The following ABCC11 variants were observed in gnomAD, a reference collection of about 807,000 sequenced individuals.
ABCC11 encodes ATP binding cassette subfamily C member 11.
A neutral mutation model predicts 149.3 loss-of-function variants in ABCC11; 135 were observed. That is an observed-to-expected ratio of 0.90 (90% confidence interval 0.79 to 1.04). The LOEUF (loss-of-function observed/expected upper bound fraction) is 1.04. Among genes scored for constraint, ABCC11 ranks in the 50% least tolerant of loss-of-function variants. The pLI is 0.00. For missense variants in ABCC11, 1,680 were observed against 1,722.1 expected, an observed-to-expected ratio of 0.98 and a Z score of 0.43; for synonymous variants, 665 against 671.4, an observed-to-expected ratio of 0.99 and a Z score of 0.15.
chr16:48,178,619 T>C lies in ABCC11; in HGVS notation c.3326A>G (p.Glu1109Gly). Reference sequence around the variant, plus strand: ...CACCTTCATGTACTGCAGTATCCTCTCTACAGCCGTGAACTGTGCCTCTGT... The same window carrying C: ...CACCTTCATGTACTGCAGTATCCTCCCTACAGCCGTGAACTGTGCCTCTGT... ...LETEAQFTAV[E>G]RILQYMKMCV... Residue 1109 changes from glutamate (E) to glycine (G), a missense_variant, in exon 24 of 30, where the codon GAG (glutamate) becomes GGG (glycine). By Grantham distance (98) the Glu-to-Gly change is moderately conservative. Transcript: ENST00000356608. 6.2e-7 allele frequency: 1 copy of C among 1,614,108 alleles called. No homozygotes were observed. The highest frequency in any genetic ancestry group is 8.5e-7 in the Non-Finnish European group (1 of 1,180,016).
In ABCC11 at chr16:48,210,927, G is replaced by C. The variant is rs147663715; in HGVS notation, c.1608+21C>G. 1.9e-4 allele frequency: 311 copies of C among 1,609,830 alleles called. 2 individuals carry two copies. Among genetic ancestry groups the C allele is most frequent in the East Asian group, 1.0e-3 (46 of 44,750 alleles). Reference sequence around the variant, plus strand: ...TGAGAGCCTGGCAGCTGGCCTGCCTGCGTGGCCTGAACAAGGCTACCTTGG... The same window carrying C: ...TGAGAGCCTGGCAGCTGGCCTGCCTCCGTGGCCTGAACAAGGCTACCTTGG... On this transcript the variant is annotated intron_variant, in intron 11 of 29. Coordinates refer to ENST00000356608, the MANE Select transcript of ABCC11 (RefSeq NM_001370497.1).
chr16:48,198,393 T>G, intron 15 of ABCC11, 118 bp from the exon 16 acceptor site: 1 of 1,127,990 alleles, frequency 8.9e-7, no homozygotes, highest in Non-Finnish European at 1.2e-6. Flanking sequence ...TACCAACAGA[T>G]GAGCAAACAT....
In ABCC11 at chr16:48,224,399, T is replaced by G; in HGVS notation, c.426A>C (p.Ser142=). 6.2e-7 allele frequency: 1 copy of G among 1,614,154 alleles called. No individual in the cohort carries two copies. The highest frequency in any genetic ancestry group is 8.5e-7 in the Non-Finnish European group (1 of 1,180,000). Residue 142 remains serine (S), a synonymous_variant, in exon 5 of 30, where the codon TCA becomes TCC. Transcript: ENST00000356608. ...RLHRLWEEEV[S]RRGIEKASVL... ...CTGAAGCTTTTTCAATCCCTCGCCT[T>G]GAGACTTCTTCTTCCCAAAGGCGGT...
chr16:48,213,792 C>A (rs1969114989), intron 9 of ABCC11, among the ~76,000 whole-genome samples: 1 of 152,192 alleles, frequency 6.6e-6, no homozygotes, highest in African/African-American at 2.4e-5. Context: ...TAGCTTTGGG[C>A]AGGTTGCCCC....
At chr16:48,239,044 T>C (rs1285791052) in intron 1 of ABCC11, among the ~76,000 whole-genome samples, 3 of 151,862 alleles carry the variant, frequency 2.0e-5, no homozygotes, top group Admixed American at 6.6e-5. Flanking sequence ...GGAACAGCTC[T>C]TTCTTATAGT....
intron 12 of ABCC11, among the ~76,000 whole-genome samples, chr16:48,207,272 C>T (rs1420827017): frequency 6.6e-6 from 1 of 152,062 alleles, no homozygotes; most frequent in African/African-American, 2.4e-5. Flanking sequence ...GGAATGTGAC[C>T]AAAAATGCAT....
chr16:48,247,053 G>C (rs149957069), intron 1 of ABCC11, among the ~76,000 whole-genome samples: 496 of 152,134 alleles, frequency 3.3e-3, no homozygotes, highest in African/African-American at 0.011. Flanking sequence ...ATATTGAAAA[G>C]TCTTCATAGA....
intron 6 of ABCC11, among the ~76,000 whole-genome samples, chr16:48,217,894 A>T (rs973577804): frequency 6.6e-6 from 1 of 151,826 alleles, no homozygotes; most frequent in Non-Finnish European, 1.5e-5. Flanking sequence ...TTCTGTTGCG[A>T]AACATTCACA....
At chr16:48,206,018 G>A (rs915712036) in intron 12 of ABCC11, among the ~76,000 whole-genome samples, 1 of 152,140 alleles carries the variant, frequency 6.6e-6, no homozygotes, top group Non-Finnish European at 1.5e-5. Flanking sequence ...CACCGTGTTA[G>A]CCAGGATGGT....
intron 24 of ABCC11, among the ~76,000 whole-genome samples, chr16:48,177,321 A>G (rs1312286730): frequency 6.6e-6 from 1 of 152,128 alleles, no homozygotes; most frequent in Non-Finnish European, 1.5e-5. Flanking sequence ...AGAGTGAGAA[A>G]CCTGCATAGC....
chr16:48,170,325 T>C (rs1473568523), intron 27 of ABCC11, 107 bp from the exon 28 acceptor site: 1 of 836,974 alleles, frequency 1.2e-6, no homozygotes, highest in Non-Finnish European at 2.0e-6. Flanking sequence ...CCCTCCTCTC[T>C]CTACGCTCCA....
intron 9 of ABCC11, 55 bp downstream of exon 9, chr16:48,214,826 C>G: frequency 2.5e-6 from 4 of 1,604,592 alleles, no homozygotes; most frequent in Non-Finnish European, 3.4e-6. Context: ...AAAAAGGACA[C>G]GTGAGAAAAT....
intron 1 of ABCC11, among the ~76,000 whole-genome samples, chr16:48,233,489 G>T (rs1970533512): frequency 6.6e-6 from 1 of 152,218 alleles, no homozygotes; most frequent in Admixed American, 6.5e-5. Context: ...AGAAAAGAGA[G>T]AGAAGGAGGT....
intron 6 of ABCC11, among the ~76,000 whole-genome samples, chr16:48,219,837 C>T (rs1057035969): frequency 3.3e-5 from 5 of 151,928 alleles, no homozygotes; most frequent in African/African-American, 1.2e-4. Flanking sequence ...AAAAATTAGC[C>T]AGGCGTGGTG....
chr16:48,222,330 G>A (rs1004878745), intron 6 of ABCC11, among the ~76,000 whole-genome samples: 2 of 152,088 alleles, frequency 1.3e-5, no homozygotes, highest in African/African-American at 4.8e-5. Flanking sequence ...TCCTGCCTGG[G>A]CCTCCCAAAG....
chr16:48,177,310 A>G (rs1966146440), intron 24 of ABCC11, among the ~76,000 whole-genome samples, 197 bp from the exon 25 acceptor site: 2 of 152,196 alleles, frequency 1.3e-5, no homozygotes, highest in Non-Finnish European at 2.9e-5. Flanking sequence ...TTTTCCCCAG[A>G]AGAGTGAGAA....
rs1229108795 is a variant in ABCC11 at position 48,215,014 on chromosome 16, T to C, written c.1115A>G (p.Glu372Gly). 1 of 1,613,912 alleles carries C rather than the reference T, an allele frequency of 6.2e-7. No homozygotes were observed. The highest frequency in any genetic ancestry group is 2.2e-5 in the East Asian group (1 of 44,878). ...CCCGCACTTCTCCAATAGTTTCCTT[T>C]CCTTCCTTCTTAGGTCTGGGAAATA... ...AKIIEDLRRK[E>G]RKLLEKCGLV... The change falls in exon 9 of 30, where the codon GAA (glutamate) becomes GGA (glycine). Residue 372 changes from glutamate (E) to glycine (G), a missense_variant. Coordinates refer to ENST00000356608, the MANE Select transcript of ABCC11 (RefSeq NM_001370497.1).
intron 12 of ABCC11, 81 bp from the exon 13 acceptor site, chr16:48,205,618 G>A (rs1454096667): frequency 1.6e-5 from 25 of 1,550,134 alleles, no homozygotes; most frequent in East Asian, 7.0e-5. Context: ...CAGTGCCCAG[G>A]GCCCCACTGC....
rs1596700044 is a variant in ABCC11 at position 48,187,398 on chromosome 16, G to A, written c.2736C>T (p.Asp912=). ...KVFRCPMSFF[D]TIPIGRLLNC... ...TCAAAAGCCGGCCTATTGGGATGGT[G>A]TCAAAGAAACTCATGGGGCAGCGGA... The change falls in exon 21 of 30, where the codon GAC becomes GAT. Residue 912 remains aspartate, a synonymous_variant. Transcript: ENST00000356608. The A allele has an allele frequency of 1.2e-6, 2 of 1,613,840 alleles. No individual in the cohort carries two copies. Among genetic ancestry groups the A allele is most frequent in the East Asian group, 4.5e-5 (2 of 44,852 alleles).
Sources: allele counts gnomAD v4.1 joint callset (sites outside exome capture counted in the v4.1 genomes callset), GRCh38; gene constraint gnomAD v4.1.1; transcripts MANE v1.5; gene names NCBI Gene and HGNC (gene_info 2026-07-23, HGNC 2026-07-21).